The following PDE4D variants were observed in gnomAD, a reference collection of about 807,000 sequenced individuals.
The protein encoded by PDE4D is phosphodiesterase 4D.
Under a neutral mutation model 87.4 loss-of-function variants are expected in PDE4D, and 24 were observed. That is an observed-to-expected ratio of 0.27 (90% confidence interval 0.20 to 0.39). The LOEUF (loss-of-function observed/expected upper bound fraction) is 0.39, where lower values mean the gene tolerates loss of function less well. Among genes scored for constraint, PDE4D ranks in the 10% least tolerant of loss-of-function variants. PDE4D has a pLI of 1.00. For missense variants in PDE4D, 714 were observed against 1,041.0 expected (o/e 0.69, Z 4.32); for synonymous variants, 384 against 383.2 (o/e 1.00, Z -0.02).
chr5:59,317,975 T>C (rs1288381016), intron 1 of PDE4D, among the ~76,000 whole-genome samples: 4 of 152,168 alleles, frequency 2.6e-5, no homozygotes, highest in Non-Finnish European at 5.9e-5. Context: ...GGCAGTAAAA[T>C]GAAAGACCTT....
intron 5 of PDE4D, among the ~76,000 whole-genome samples, chr5:59,140,516 A>C (rs1777735711): frequency 6.6e-6 from 1 of 152,228 alleles, no homozygotes; most frequent in South Asian, 2.1e-4. Flanking sequence ...TCTTATGTAC[A>C]CATTCATTTT....
chr5:59,557,602 C>A (rs192936611), intron 1 of PDE4D, among the ~76,000 whole-genome samples: 6 of 152,052 alleles, frequency 3.9e-5, no homozygotes, highest in African/African-American at 1.4e-4. Flanking sequence ...TTATGTCTAC[C>A]AATATATATC....
At chr5:59,171,986 TATATATTATATATATAATAA>T (rs1782888830) in intron 5 of PDE4D, among the ~76,000 whole-genome samples, 1 of 77,408 alleles carries the variant, frequency 1.3e-5, no homozygotes, top group Non-Finnish European at 2.2e-5. Flanking sequence ...ATATAATAAA[TATATATTATATATATAATAA>T]ATATATATTA....
intron 1 of PDE4D, among the ~76,000 whole-genome samples, chr5:59,516,107 G>A (rs1256564920): frequency 6.6e-6 from 1 of 151,912 alleles, no homozygotes; most frequent in Non-Finnish European, 1.5e-5. Flanking sequence ...ATATCATCTG[G>A]GACATTACTA....
rs891475874 is a variant in PDE4D, at chr5:60,007,003, C to A, written c.43-18286G>T. Among the ~76,000 whole-genome samples the A allele has an allele frequency of 7.2e-5, 11 of 151,868 alleles. No homozygotes were observed. The South Asian group carries it at 2.3e-3, about 31-fold the overall frequency. ...GGCTTTAGACTTTTTATTTTCCCTT[C>A]AAGTTTATAAAGAAATTTTTCATCT... On this transcript the variant is annotated intron_variant, in intron 2 of 16. Transcript: ENST00000502484.
chr5:59,085,380 G>C (rs1342620194), intron 5 of PDE4D, among the ~76,000 whole-genome samples: 1 of 152,040 alleles, frequency 6.6e-6, no homozygotes. Flanking sequence ...CACACACAGA[G>C]ACAGAAAAAT....
intron 1 of PDE4D, among the ~76,000 whole-genome samples, chr5:60,407,774 A>C (rs1108977): frequency 0.23 from 34,393 of 151,794 alleles, 4,656 homozygotes; most frequent in South Asian, 0.41. Context: ...TTTTAATGGC[A>C]AAAACCGCAA....
Position 59,726,533 on chromosome 5 carries a change from C to T in PDE4D, c.455+166635G>A, listed in dbSNP as rs531863002. On this transcript the variant is annotated intron_variant, in intron 1 of 14. Transcript: ENST00000340635. The stretch of plus-strand genomic sequence containing the variant: ...CACTGACTGCAAGCCAGGAAGAGGG[C>T]CCCCAATAGAACCTAAACATGCTGG... Among the ~76,000 whole-genome samples, 14 of 152,076 alleles carry T rather than the reference C, an allele frequency of 9.2e-5. No homozygotes were observed. In the South Asian group the frequency reaches 2.7e-3, roughly 29 times the overall value.
chr5:58,990,712 G>C, intron 9 of PDE4D, 92 bp downstream of exon 9: 1 of 684,080 alleles, frequency 1.5e-6, no homozygotes, highest in Non-Finnish European at 2.5e-6. Flanking sequence ...AAAAGGTGGG[G>C]AATATTAAAA....
intron 1 of PDE4D, among the ~76,000 whole-genome samples, chr5:60,502,484 G>A (rs1583947829): frequency 2.0e-5 from 3 of 152,048 alleles, no homozygotes; most frequent in Admixed American, 6.6e-5. Context: ...TTGGCAATGC[G>A]GGATCTTTTT....
chr5:59,989,299 T>C (rs532648191), intron 2 of PDE4D, among the ~76,000 whole-genome samples: 1 of 151,762 alleles, frequency 6.6e-6, no homozygotes, highest in African/African-American at 2.4e-5. Flanking sequence ...TCTAAGTATA[T>C]CTAAACATAG....
At chr5:59,741,116 C>T (rs1006205347) in intron 1 of PDE4D, among the ~76,000 whole-genome samples, 1 of 152,158 alleles carries the variant, frequency 6.6e-6, no homozygotes, top group African/African-American at 2.4e-5. Flanking sequence ...AATCTCCTTC[C>T]GTCCCCATCC....
intron 1 of PDE4D, among the ~76,000 whole-genome samples, chr5:59,520,528 T>C (rs1812007872): frequency 1.3e-5 from 2 of 152,122 alleles, no homozygotes; most frequent in African/African-American, 4.8e-5. Flanking sequence ...GCATGGGCAT[T>C]GTGGTGAGGC....
chr5:60,459,603 C>G (rs1413122829), intron 1 of PDE4D, among the ~76,000 whole-genome samples: 1 of 152,048 alleles, frequency 6.6e-6, no homozygotes, highest in East Asian at 1.9e-4. Context: ...TCCCACAGAG[C>G]TCGGTGGTGT....
intron 1 of PDE4D, among the ~76,000 whole-genome samples, chr5:59,720,639 T>C (rs182256449): frequency 2.7e-4 from 41 of 152,276 alleles, no homozygotes; most frequent in African/African-American, 9.6e-4. Flanking sequence ...TTAATGGATA[T>C]AAACCTGTAA....
chr5:59,271,062 C>A (rs1763737607), intron 1 of PDE4D, among the ~76,000 whole-genome samples: 2 of 149,274 alleles, frequency 1.3e-5, no homozygotes, highest in South Asian at 4.2e-4. Context: ...TAAATTGAGA[C>A]AGAGTCTTGC....
chr5:60,168,988 GT>G (rs1363687824), intron 2 of PDE4D, among the ~76,000 whole-genome samples: 1 of 152,076 alleles, frequency 6.6e-6, no homozygotes, highest in Non-Finnish European at 1.5e-5. Context: ...TCTTGTTGTT[GT>G]ACTTGTTATT....
At chr5:59,426,073 C>G (rs921259526) in intron 1 of PDE4D, among the ~76,000 whole-genome samples, 4 of 152,096 alleles carry the variant, frequency 2.6e-5, no homozygotes. Context: ...ATACAGAGAT[C>G]CCAGCGATGC....
chr5:60,018,116 T>C (rs1047090298), intron 2 of PDE4D, among the ~76,000 whole-genome samples: 5 of 151,974 alleles, frequency 3.3e-5, no homozygotes, highest in Admixed American at 6.6e-5. Context: ...TGTCTGTTCA[T>C]GTCCATCAGA....
Sources: allele counts gnomAD v4.1 joint callset (sites outside exome capture counted in the v4.1 genomes callset), GRCh38; gene constraint gnomAD v4.1.1; transcripts MANE v1.5; gene names NCBI Gene and HGNC (gene_info 2026-07-23, HGNC 2026-07-21).